ST3GAL1: variants seen among roughly 807,000 people sequenced by gnomAD.
The protein encoded by ST3GAL1 is CMP-N-acetylneuraminate-beta-galactosamide-alpha-2,3-sialyltransferase 1.
A neutral mutation model predicts 34.1 loss-of-function variants in ST3GAL1; 16 were observed. The observed-to-expected ratio is 0.47, with a 90% CI of 0.32 to 0.71. The LOEUF (loss-of-function observed/expected upper bound fraction) is 0.71, where lower values mean the gene tolerates loss of function less well. ST3GAL1 is among the 30% of genes least tolerant of loss of function. The probability of loss-of-function intolerance (pLI) is 0.04; values close to 1 mark genes in which losing one functional copy is unlikely to be tolerated. For synonymous variants in ST3GAL1, 191 were observed against 184.7 expected, an observed-to-expected ratio of 1.03 and a Z score of -0.28; for missense variants, 353 against 447.4, an observed-to-expected ratio of 0.79 and a Z score of 1.90.
Position 133,459,576 on chromosome 8 carries a change from C to T in ST3GAL1, c.*188G>A, listed in dbSNP as rs535328178. ...ACAGGTTCCAAGACATGCTCTGCCA[C>T]GCTGGCAGAGCTTAGTGACCTTGCT... On this transcript the variant is annotated 3_prime_UTR_variant, in exon 10 of 10. Transcript: ENST00000522652. The surrounding 1 kb of genome is among the most constrained non-coding windows in gnomAD (Gnocchi z 4.7). 2.1e-4 allele frequency: 122 copies of T among 580,068 alleles called. 3 individuals carry two copies. The highest frequency in any genetic ancestry group is 2.0e-3 in the South Asian group (66 of 32,476). The allele number at this position is 580,068 out of a possible 1,614,324, so 35.9% of individuals were successfully genotyped here.
intron 1 of ST3GAL1, among the ~76,000 whole-genome samples, chr8:133,555,395 G>A (rs1173827108): frequency 1.3e-5 from 2 of 152,076 alleles, no homozygotes; most frequent in African/African-American, 4.8e-5. Context: ...TCTCAGCACC[G>A]TAGTGCAATC....
intron 2 of ST3GAL1, among the ~76,000 whole-genome samples, chr8:133,545,313 T>C (rs1818646916): frequency 6.6e-6 from 1 of 152,212 alleles, no homozygotes; most frequent in African/African-American, 2.4e-5. Flanking sequence ...ACATGACACC[T>C]GAACAAATGA....
At chr8:133,528,578 C>T (rs760764079) in intron 2 of ST3GAL1, among the ~76,000 whole-genome samples, 8 of 152,382 alleles carry the variant, frequency 5.2e-5, no homozygotes, top group Non-Finnish European at 1.0e-4. Flanking sequence ...TGACAGCCCA[C>T]GGGCCAAACC....
chr8:133,562,841 C>CCTTCCTTCCTTCCTTT lies in ST3GAL1; in HGVS notation c.-582+8851_-582+8852insAAAGGAAGGAAGGAAG, dbSNP rs1491286901. ...TCCTTCCTTCCTTCCTTCCTTCCTT[C>CCTTCCTTCCTTCCTTT]CTTTCTTTCTTTTTTTTTTTTTTTT... On this transcript the variant is annotated intron_variant, in intron 1 of 9. Transcript: ENST00000522652. 3.1e-3 allele frequency among the ~76,000 whole-genome samples: 252 copies of CCTTCCTTCCTTCCTTT among 82,448 alleles called. 2 individuals carry two copies. Among genetic ancestry groups the CCTTCCTTCCTTCCTTT allele is most frequent in the African/African-American group, 0.011 (239 of 22,418 alleles). The allele number at this position is 82,448 out of a possible 152,430, so 54.1% of individuals were successfully genotyped here.
chr8:133,480,955 A>C (rs1177681195), intron 3 of ST3GAL1, among the ~76,000 whole-genome samples: 1 of 152,110 alleles, frequency 6.6e-6, no homozygotes, highest in East Asian at 1.9e-4. Flanking sequence ...TAATTTTTTG[A>C]CAGGTTCTAC....
At chr8:133,500,391 C>G (rs775962923) in intron 2 of ST3GAL1, among the ~76,000 whole-genome samples, 1 of 152,164 alleles carries the variant, frequency 6.6e-6, no homozygotes, top group Non-Finnish European at 1.5e-5. Flanking sequence ...AGAAACAACT[C>G]GAAAGGGACA....
chr8:133,559,227 G>A (rs549393258), intron 1 of ST3GAL1, among the ~76,000 whole-genome samples: 5 of 152,096 alleles, frequency 3.3e-5, no homozygotes, highest in Non-Finnish European at 5.9e-5. Context: ...TTTTTATGTC[G>A]TTTCCCTTAA....
intron 1 of ST3GAL1, among the ~76,000 whole-genome samples, chr8:133,566,624 T>C (rs1246622972): frequency 6.6e-6 from 1 of 152,200 alleles, no homozygotes; most frequent in Non-Finnish European, 1.5e-5. Flanking sequence ...GCCTGGATAG[T>C]AGCGTCCCCC....
At chr8:133,547,005 G>GAA (rs773473340) in intron 1 of ST3GAL1, among the ~76,000 whole-genome samples, 2 of 62,858 alleles carry the variant, frequency 3.2e-5, no homozygotes, top group Admixed American at 1.5e-4. Context: ...TCCATCTCAG[G>GAA]AAAAAAAAAA....
intron 2 of ST3GAL1, among the ~76,000 whole-genome samples, chr8:133,526,549 T>C (rs1021924034): frequency 6.6e-6 from 1 of 152,182 alleles, no homozygotes; most frequent in Non-Finnish European, 1.5e-5. Context: ...TAATGGCTTG[T>C]GGGTTCCTGA....
At chr8:133,551,251 C>T (rs558726395) in intron 1 of ST3GAL1, among the ~76,000 whole-genome samples, 12 of 152,124 alleles carry the variant, frequency 7.9e-5, no homozygotes, top group Admixed American at 2.0e-4. Context: ...AGGTGGATCA[C>T]GAGGTCAAGA....
chr8:133,467,486 G>C lies in ST3GAL1; in HGVS notation c.307-1396C>G, dbSNP rs188538483. ...GGTAGGATGCTCTGAGGCCAGAGAGGTAAGCAACTCATCCCAAATACAAAC... is the reference window on the plus strand; with the variant it reads ...GGTAGGATGCTCTGAGGCCAGAGAGCTAAGCAACTCATCCCAAATACAAAC... On this transcript the variant is annotated intron_variant, in intron 5 of 9. Coordinates refer to ENST00000522652, the MANE Select transcript of ST3GAL1 (RefSeq NM_173344.3). This position sits in a 1 kb window ranked among gnomAD's most constrained non-coding sequence, Gnocchi z 4.2. Among the ~76,000 whole-genome samples, 6 of 152,230 alleles carry C rather than the reference G, an allele frequency of 3.9e-5. No homozygotes were observed. Among genetic ancestry groups the C allele is most frequent in the Admixed American group, 1.3e-4 (2 of 15,286 alleles).
chr8:133,488,710 G>A (rs1427813546), intron 3 of ST3GAL1, among the ~76,000 whole-genome samples: 1 of 152,228 alleles, frequency 6.6e-6, no homozygotes, highest in African/African-American at 2.4e-5. Flanking sequence ...AGTGACTGAG[G>A]GTCCACAGGG....
rs1271849530 is a variant in ST3GAL1 at position 133,457,629 on chromosome 8, T to G, written c.*2135A>C. 1 of 152,264 alleles carries G rather than the reference T, an allele frequency of 6.6e-6. No homozygotes were observed. Among genetic ancestry groups the G allele is most frequent in the African/African-American group, 2.4e-5 (1 of 41,470 alleles). 9.4% of individuals were successfully genotyped at this position (152,264 alleles called of 1,614,324 possible). A position where few individuals can be genotyped will look rare whatever the true frequency, so the allele number is the denominator to read the frequency against. On this transcript the variant is annotated 3_prime_UTR_variant, in exon 10 of 10. Transcript: ENST00000522652. ...TTTAAAGCTGAAACAGGTTTTCGGT[T>G]TGTTTAACACATTCCCCATTCTGAA...
chr8:133,491,858 C>T (rs1163270720), intron 3 of ST3GAL1, among the ~76,000 whole-genome samples: 1 of 152,142 alleles, frequency 6.6e-6, no homozygotes, highest in Non-Finnish European at 1.5e-5. Context: ...CTGCCCTGGC[C>T]CAGGCTCAGC....
At chr8:133,494,190 A>G (rs1816872963) in intron 3 of ST3GAL1, among the ~76,000 whole-genome samples, 1 of 152,174 alleles carries the variant, frequency 6.6e-6, no homozygotes. Context: ...ACCCCACAAT[A>G]TGCCTGGGAA....
rs1041155344 is a variant in ST3GAL1, at chr8:133,469,169, T to G, written c.307-3079A>C. Among the ~76,000 whole-genome samples the G allele has an allele frequency of 6.6e-6, 1 of 152,204 alleles. No individual in the cohort carries two copies. The highest frequency in any genetic ancestry group is 2.4e-5 in the African/African-American group (1 of 41,454). On this transcript the variant is annotated intron_variant, in intron 5 of 9. Coordinates refer to ENST00000522652, the MANE Select transcript of ST3GAL1 (RefSeq NM_173344.3). The surrounding 1 kb of genome is among the most constrained non-coding windows in gnomAD (Gnocchi z 4.3). ...TCATCCTGCTGGACTCTGACTGACT[T>G]ACTTTTCTTTAATGACTTATTTAAG...
chr8:133,534,077 A>G (rs988512125), intron 2 of ST3GAL1, among the ~76,000 whole-genome samples: 2 of 152,198 alleles, frequency 1.3e-5, no homozygotes, highest in Non-Finnish European at 2.9e-5. Flanking sequence ...CCAACCCCCA[A>G]GGAGGTTCCA....
chr8:133,459,855 C>T lies in ST3GAL1; in HGVS notation c.932G>A (p.Arg311His), dbSNP rs751931334. Residue 311 changes from arginine to histidine, a missense_variant, in exon 10 of 10, where the codon CGC (arginine) becomes CAC (histidine). Transcript: ENST00000522652. This position sits in a 1 kb window ranked among gnomAD's most constrained non-coding sequence, Gnocchi z 4.7. ...GTCTGCATCGTGCACCCCCGTCTTG[C>T]GAAAAGCCCCCGCGGATGGGTTGTT... ...WENNPSAGAF[R>H]KTGVHDADFE... The T allele has an allele frequency of 5.6e-6, 9 of 1,614,032 alleles. 1 individual carries two copies. Among genetic ancestry groups the T allele is most frequent in the South Asian group, 3.3e-5 (3 of 91,084 alleles).
Sources: gnomAD v4.1 joint callset for allele counts (sites outside exome capture counted in the v4.1 genomes callset) on GRCh38, gnomAD v4.1.1 for gene constraint, Gnocchi (gnomAD v3.1) non-coding constraint, MANE v1.5 for transcripts, NCBI Gene and HGNC (gene_info 2026-07-23, HGNC 2026-07-21) for gene names.